ARHGAP31: variants seen among roughly 807,000 people sequenced by gnomAD.
ARHGAP31 encodes rho GTPase-activating protein 31.
In ARHGAP31, 34 loss-of-function variants were observed where a neutral mutation model predicts 113.9. The ratio of observed to expected loss-of-function variants is 0.30; its 90% CI spans 0.23 to 0.40. The LOEUF is 0.40. Among genes scored for constraint, ARHGAP31 ranks in the 10% least tolerant of loss-of-function variants. The probability of loss-of-function intolerance (pLI) is 1.00; values close to 1 mark genes in which losing one functional copy is unlikely to be tolerated. For synonymous variants in ARHGAP31, 650 were observed against 684.8 expected, an observed-to-expected ratio of 0.95 and a Z score of 0.79; for missense variants, 1,548 against 1,767.1, an observed-to-expected ratio of 0.88 and a Z score of 2.22.
chr3:119,339,086 G>T (rs1318542329), intron 1 of ARHGAP31, among the ~76,000 whole-genome samples: 1 of 152,192 alleles, frequency 6.6e-6, no homozygotes, highest in Admixed American at 6.5e-5. Context: ...CCTGGGCCTA[G>T]GTCTGGAGTA....
At position 119,390,631 on chromosome 3, in the gene ARHGAP31, G is replaced by C. The variant is rs970607519; in HGVS notation, c.683-154G>C. 4.1e-4 allele frequency among the ~76,000 whole-genome samples: 63 copies of C among 152,216 alleles called. 1 individual carries two copies. The highest frequency in any genetic ancestry group is 4.1e-3 in the Admixed American group (63 of 15,288). ...GACAGTCATCAGTTTCCGGTGTGCAGCCTCAGCCCCAGGCCCCACCATGCC... is the reference window on the plus strand; with the variant it reads ...GACAGTCATCAGTTTCCGGTGTGCACCCTCAGCCCCAGGCCCCACCATGCC... On this transcript the variant is annotated intron_variant, in intron 6 of 11. Coordinates refer to ENST00000264245, the MANE Select transcript of ARHGAP31 (RefSeq NM_020754.4).
chr3:119,377,636 C>G (rs1245510630), intron 3 of ARHGAP31, among the ~76,000 whole-genome samples: 1 of 151,982 alleles, frequency 6.6e-6, no homozygotes, highest in Non-Finnish European at 1.5e-5. Flanking sequence ...CTTGCTTCCA[C>G]AGGTGTAACA....
intron 1 of ARHGAP31, among the ~76,000 whole-genome samples, chr3:119,312,416 T>A (rs1358031808): frequency 6.6e-6 from 1 of 152,186 alleles, no homozygotes; most frequent in Non-Finnish European, 1.5e-5. Context: ...TTTGTAATGT[T>A]CCTTCTCACC....
chr3:119,343,637 C>A (rs2080029686), intron 1 of ARHGAP31, among the ~76,000 whole-genome samples: 1 of 152,192 alleles, frequency 6.6e-6, no homozygotes, highest in African/African-American at 2.4e-5. Context: ...AGTCAAGGAG[C>A]AGAGCCACCA....
chr3:119,380,465 A>G (rs550671822), intron 3 of ARHGAP31, among the ~76,000 whole-genome samples: 1 of 152,132 alleles, frequency 6.6e-6, no homozygotes, highest in East Asian at 1.9e-4. Flanking sequence ...TCGCTAGACT[A>G]GATCCAAACT....
Position 119,300,849 on chromosome 3 carries a change from AGAAAG to A in ARHGAP31, c.100+5846_100+5850del, listed in dbSNP as rs1559959469. ...CCATCTCAAAAAAAAAAAAAAAGAA[AGAAAG>A]AAAGAAAGAAAGAAAGAAAGACACA... On this transcript the variant is annotated intron_variant, in intron 1 of 11. Coordinates refer to ENST00000264245, the MANE Select transcript of ARHGAP31 (RefSeq NM_020754.4). Among the ~76,000 whole-genome samples the A allele has an allele frequency of 1.3e-3, 144 of 109,094 alleles. 4 individuals are homozygous for A. The highest frequency in any genetic ancestry group is 5.3e-3 in the African/African-American group (140 of 26,498). The allele number at this position is 109,094 out of a possible 152,430, so 71.6% of individuals were successfully genotyped here. A position where few individuals can be genotyped will look rare whatever the true frequency, so the allele number is the denominator to read the frequency against.
chr3:119,391,595 C>G (rs1435583351), intron 7 of ARHGAP31, among the ~76,000 whole-genome samples: 2 of 96,300 alleles, frequency 2.1e-5, no homozygotes, highest in Admixed American at 8.4e-5. Flanking sequence ...CTCTACCCCC[C>G]CCTCCCCCCC....
chr3:119,378,132 T>C (rs539683259), intron 3 of ARHGAP31, among the ~76,000 whole-genome samples: 2 of 152,214 alleles, frequency 1.3e-5, no homozygotes, highest in South Asian at 2.1e-4. Flanking sequence ...TCTTTTAAGA[T>C]TTAACCATTA....
At chr3:119,315,897 T>C (rs2079726227) in intron 1 of ARHGAP31, among the ~76,000 whole-genome samples, 1 of 152,200 alleles carries the variant, frequency 6.6e-6, no homozygotes, top group African/African-American at 2.4e-5. Flanking sequence ...AAGTAATCCT[T>C]AGACAGCACA....
At chr3:119,369,153 A>G (rs1232798506) in intron 3 of ARHGAP31, among the ~76,000 whole-genome samples, 1 of 152,242 alleles carries the variant, frequency 6.6e-6, no homozygotes, top group African/African-American at 2.4e-5. Context: ...AGTAGAAAGA[A>G]GAATAAATGC....
intron 11 of ARHGAP31, among the ~76,000 whole-genome samples, chr3:119,412,261 G>A (rs1335715379): frequency 6.6e-6 from 1 of 152,080 alleles, no homozygotes; most frequent in Non-Finnish European, 1.5e-5. Flanking sequence ...GGTGGCACAT[G>A]CCTGTAATCC....
At chr3:119,300,828 C>T (rs1357848687) in intron 1 of ARHGAP31, among the ~76,000 whole-genome samples, 2 of 109,734 alleles carry the variant, frequency 1.8e-5, no homozygotes, top group Admixed American at 9.2e-5. Context: ...CTGACTCCAT[C>T]TCAAAAAAAA....
chr3:119,418,429 G>A lies in ARHGAP31; in HGVS notation c.*2165G>A, dbSNP rs2080796110. 1 of 152,198 alleles carries A rather than the reference G, an allele frequency of 6.6e-6. No individual in the cohort carries two copies. Among genetic ancestry groups the A allele is most frequent in the Non-Finnish European group, 1.5e-5 (1 of 68,052 alleles). 9.4% of individuals were successfully genotyped at this position (152,198 alleles called of 1,614,324 possible). ...AGACAGGTTTTATGTCAGCCTCAGTGCTCCTGCGGTGTCGACGCTCTGATA... is the reference window on the plus strand; with the variant it reads ...AGACAGGTTTTATGTCAGCCTCAGTACTCCTGCGGTGTCGACGCTCTGATA... On this transcript the variant is annotated 3_prime_UTR_variant, in exon 12 of 12. Transcript: ENST00000264245.
intron 9 of ARHGAP31, 82 bp downstream of exon 9, chr3:119,399,343 T>A: frequency 1.7e-6 from 2 of 1,172,162 alleles, no homozygotes; most frequent in Non-Finnish European, 2.5e-6. Context: ...CTGTCATGCC[T>A]GCTTCTCTAT....
chr3:119,414,241 T>C lies in ARHGAP31; in HGVS notation c.2312T>C (p.Val771Ala), dbSNP rs374149626. ...GCATCTCCACAAGCAACAGTGGAAGTAGGAGGCCCAGGCAATCTGTCTCCT... is the reference window on the plus strand; with the variant it reads ...GCATCTCCACAAGCAACAGTGGAAGCAGGAGGCCCAGGCAATCTGTCTCCT... ...EKASPQATVE[V>A]GGPGNLSPPL... The change falls in exon 12 of 12, where the codon GTA becomes GCA. Residue 771 changes from valine (V) to alanine (A), a missense_variant. Transcript: ENST00000264245. 705 of 1,614,040 alleles carry C rather than the reference T, an allele frequency of 4.4e-4. 1 individual carries two copies. Among genetic ancestry groups the C allele is most frequent in the Non-Finnish European group, 5.6e-4 (666 of 1,180,030 alleles).
chr3:119,404,156 G>C (rs543810043), intron 10 of ARHGAP31, among the ~76,000 whole-genome samples: 1 of 152,316 alleles, frequency 6.6e-6, no homozygotes, highest in Non-Finnish European at 1.5e-5. Flanking sequence ...AGGGGAGGGA[G>C]TGAAGGCTTT....
chr3:119,336,590 T>C (rs1001252708), intron 1 of ARHGAP31, among the ~76,000 whole-genome samples: 5 of 152,216 alleles, frequency 3.3e-5, no homozygotes, highest in Admixed American at 6.5e-5. Flanking sequence ...CACAAAATAT[T>C]TTGTTGGTCT....
chr3:119,329,662 C>A (rs536234307), intron 1 of ARHGAP31, among the ~76,000 whole-genome samples: 1 of 152,236 alleles, frequency 6.6e-6, no homozygotes, highest in Admixed American at 6.5e-5. Flanking sequence ...GCCTTCCCAC[C>A]CCCAGCCAGC....
At chr3:119,308,627 CTATCTCAAGGTCCTTAACCTAATCA>C (rs1472635050) in intron 1 of ARHGAP31, among the ~76,000 whole-genome samples, 8 of 152,308 alleles carry the variant, frequency 5.3e-5, no homozygotes, top group Non-Finnish European at 7.3e-5. Flanking sequence ...GACACTATCC[CTATCTCAAGGTCCTTAACCTAATCA>C]CATCTGTAAA....
Sources: allele counts gnomAD v4.1 joint callset (sites outside exome capture counted in the v4.1 genomes callset), GRCh38; gene constraint gnomAD v4.1.1; transcripts MANE v1.5; gene names NCBI Gene and HGNC (gene_info 2026-07-23, HGNC 2026-07-21).